The following C10orf90 variants were observed in gnomAD, a reference collection of about 807,000 sequenced individuals.
C10orf90 encodes the protein (E2-independent) E3 ubiquitin-conjugating enzyme FATS.
In C10orf90, 56 loss-of-function variants were observed where a neutral mutation model predicts 62.5. That is an observed-to-expected ratio of 0.90 (90% CI 0.72 to 1.12). C10orf90 has a LOEUF of 1.12. Ranked by LOEUF, C10orf90 falls within the 50% of genes most tolerant of loss-of-function variation. The pLI is 0.00. For missense variants in C10orf90, 970 were observed against 880.4 expected, an observed-to-expected ratio of 1.10 and a Z score of -1.29; for synonymous variants, 386 against 340.4, an observed-to-expected ratio of 1.13 and a Z score of -1.47.
At position 126,537,309 on chromosome 10, in the gene C10orf90, T is replaced by A. The variant is rs147629507; in HGVS notation, c.314-23370A>T. Among the ~76,000 whole-genome samples, 449 of 152,322 alleles carry A rather than the reference T, an allele frequency of 2.9e-3. 5 individuals are homozygous for A. Among genetic ancestry groups the A allele is most frequent in the African/African-American group, 9.7e-3 (405 of 41,586 alleles). On this transcript the variant is annotated intron_variant, in intron 2 of 9. Coordinates refer to ENST00000488181, the MANE Select transcript of C10orf90 (RefSeq NM_001350921.2). ...TTTAAATTATCCTCAGTTCTCTAAA[T>A]GTAGCCTTTACCTAAAAAGAGATGT...
chr10:126,626,441 A>G (rs1020998515), intron 2 of C10orf90, among the ~76,000 whole-genome samples: 2 of 152,190 alleles, frequency 1.3e-5, no homozygotes, highest in Non-Finnish European at 1.5e-5. Context: ...AGAAACTTCT[A>G]TTAAGCTCAG....
chr10:126,557,530 C>A (rs572836024), intron 2 of C10orf90, among the ~76,000 whole-genome samples: 131 of 151,108 alleles, frequency 8.7e-4, no homozygotes, highest in Non-Finnish European at 1.4e-3. Flanking sequence ...TCCCCCATAA[C>A]TTCCCCTCCT....
intron 4 of C10orf90, among the ~76,000 whole-genome samples, chr10:126,468,150 C>T (rs1860389738): frequency 6.6e-6 from 1 of 151,434 alleles, no homozygotes. Flanking sequence ...CTCACTGCAA[C>T]CTCCGCCTTC....
At chr10:126,441,895 A>G (rs1180039770) in intron 7 of C10orf90, among the ~76,000 whole-genome samples, 2 of 152,206 alleles carry the variant, frequency 1.3e-5, no homozygotes, top group Non-Finnish European at 2.9e-5. Flanking sequence ...CTAAATCATG[A>G]AACAAATCCT....
chr10:126,565,405 T>TA (rs1299708595), intron 2 of C10orf90, among the ~76,000 whole-genome samples: 448 of 27,540 alleles, frequency 0.016, 8 homozygotes, highest in African/African-American at 0.037. Flanking sequence ...TTATATTATA[T>TA]ATAATATATA....
chr10:126,630,488 C>T (rs902912796), intron 2 of C10orf90, among the ~76,000 whole-genome samples: 7 of 152,068 alleles, frequency 4.6e-5, no homozygotes, highest in Non-Finnish European at 7.4e-5. Context: ...GGGAGAAGAG[C>T]GCAGAGTGGG....
At chr10:126,476,489 C>T (rs1026893177) in intron 4 of C10orf90, among the ~76,000 whole-genome samples, 1 of 152,172 alleles carries the variant, frequency 6.6e-6, no homozygotes, top group Non-Finnish European at 1.5e-5. Context: ...CAGGCCAGGC[C>T]GCAGGCAGGA....
chr10:126,441,241 T>C (rs1858305303), intron 7 of C10orf90, among the ~76,000 whole-genome samples: 1 of 151,954 alleles, frequency 6.6e-6, no homozygotes, highest in African/African-American at 2.4e-5. Flanking sequence ...TGCAAAATGC[T>C]CTGGAAAGTC....
At chr10:126,506,444 G>A (rs1409870631) in intron 3 of C10orf90, among the ~76,000 whole-genome samples, 2 of 152,208 alleles carry the variant, frequency 1.3e-5, no homozygotes, top group Non-Finnish European at 2.9e-5. Context: ...ATATGTAACC[G>A]CTAAGCTCCC....
At chr10:126,436,040 A>G (rs1008013498) in intron 7 of C10orf90, among the ~76,000 whole-genome samples, 12 of 152,276 alleles carry the variant, frequency 7.9e-5, no homozygotes, top group Admixed American at 1.3e-4. Context: ...AGGAACTGCT[A>G]AGGAAGGCTG....
chr10:126,569,062 T>C (rs778392599), intron 2 of C10orf90, among the ~76,000 whole-genome samples: 1 of 152,032 alleles, frequency 6.6e-6, no homozygotes, highest in Non-Finnish European at 1.5e-5. Flanking sequence ...TGACGTCAGC[T>C]GGCAGGAGGG....
chr10:126,454,047 C>T (rs1050216688), intron 7 of C10orf90, among the ~76,000 whole-genome samples: 5 of 151,944 alleles, frequency 3.3e-5, no homozygotes, highest in South Asian at 2.1e-4. Flanking sequence ...GGGCCAGGTT[C>T]GAGGAGCTGC....
At chr10:126,536,990 ATCT>A (rs1434974333) in intron 2 of C10orf90, among the ~76,000 whole-genome samples, 2 of 152,200 alleles carry the variant, frequency 1.3e-5, no homozygotes, top group Non-Finnish European at 2.9e-5. Context: ...TTTGGTGCTT[ATCT>A]TCTTTTCCAA....
intron 2 of C10orf90, among the ~76,000 whole-genome samples, chr10:126,559,348 A>T (rs1385141075): frequency 6.6e-6 from 1 of 152,220 alleles, no homozygotes; most frequent in Non-Finnish European, 1.5e-5. Context: ...TCCTTACATC[A>T]GCGGGCCCCA....
intron 2 of C10orf90, among the ~76,000 whole-genome samples, chr10:126,643,689 C>A (rs1846109714): frequency 6.6e-6 from 1 of 152,188 alleles, no homozygotes; most frequent in Admixed American, 6.5e-5. Flanking sequence ...CCATGAAGTT[C>A]ACTGGTTTCC....
intron 8 of C10orf90, among the ~76,000 whole-genome samples, chr10:126,428,984 G>T (rs1278065946): frequency 6.6e-6 from 1 of 152,128 alleles, no homozygotes; most frequent in Non-Finnish European, 1.5e-5. Flanking sequence ...AGCAGAAATT[G>T]TATGCCTGAA....
intron 2 of C10orf90, among the ~76,000 whole-genome samples, chr10:126,523,879 C>T (rs760091999): frequency 5.9e-5 from 9 of 152,096 alleles, no homozygotes; most frequent in Non-Finnish European, 1.3e-4. Context: ...AGGGTTCATC[C>T]GTGTTGTAGC....
chr10:126,592,726 C>T (rs780694468), intron 2 of C10orf90, among the ~76,000 whole-genome samples: 24 of 152,154 alleles, frequency 1.6e-4, no homozygotes, highest in East Asian at 3.9e-4. Context: ...TTCTGTACAG[C>T]AAAAGAAACC....
chr10:126,459,417 G>T (rs1859809593), intron 6 of C10orf90, among the ~76,000 whole-genome samples, 200 bp from the exon 7 acceptor site: 1 of 152,236 alleles, frequency 6.6e-6, no homozygotes, highest in Non-Finnish European at 1.5e-5. Flanking sequence ...GGTCCTGGGG[G>T]TCAGGCCTGG....
Sources: gnomAD v4.1 joint callset for allele counts (sites outside exome capture counted in the v4.1 genomes callset) on GRCh38, gnomAD v4.1.1 for gene constraint, MANE v1.5 for transcripts, NCBI Gene and HGNC (gene_info 2026-07-23, HGNC 2026-07-21) for gene names.